EXT2: variants seen among roughly 807,000 people sequenced by gnomAD.
EXT2 encodes exostosin glycosyltransferase 2.
Under a neutral mutation model 81.6 loss-of-function variants are expected in EXT2, and 53 were observed. That is an observed-to-expected ratio of 0.65 (90% CI 0.52 to 0.82). EXT2 has a LOEUF of 0.82. Ranked by LOEUF, EXT2 falls within the 40% of genes least tolerant of loss-of-function variation. EXT2 has a pLI of 0.00. For synonymous variants in EXT2, 320 were observed against 340.0 expected (o/e 0.94, Z 0.65); for missense variants, 774 against 910.2 (o/e 0.85, Z 1.93).
chr11:44,142,674 CT>C (rs761062960), intron 7 of EXT2, among the ~76,000 whole-genome samples: 2 of 151,968 alleles, frequency 1.3e-5, no homozygotes, highest in Non-Finnish European at 2.9e-5. Flanking sequence ...TGAGTTTTTC[CT>C]TTGGTTTTAA....
At chr11:44,142,638 T>C (rs1954661370) in intron 7 of EXT2, among the ~76,000 whole-genome samples, 1 of 152,232 alleles carries the variant, frequency 6.6e-6, no homozygotes, top group Non-Finnish European at 1.5e-5. Flanking sequence ...CTTATACATG[T>C]ATTATTTATA....
chr11:44,221,249 A>T (rs190392766), intron 10 of EXT2, among the ~76,000 whole-genome samples: 48 of 152,168 alleles, frequency 3.2e-4, no homozygotes, highest in African/African-American at 1.1e-3. Flanking sequence ...AGCCCTGCAG[A>T]CCTTTCCATG....
rs1009108834 is a variant in EXT2, at chr11:44,244,398, T to A, written c.*111T>A. On this transcript the variant is annotated 3_prime_UTR_variant, in exon 14 of 14. Transcript: ENST00000533608. ...GGTTAAGGGTGGAAGGTTGACCTAC[T>A]TGGATCTTGGCATGCACCCACCTAA... The A allele has an allele frequency of 5.6e-6, 7 of 1,239,462 alleles. No homozygotes were observed. Among genetic ancestry groups the A allele is most frequent in the Non-Finnish European group, 8.2e-6 (7 of 851,534 alleles). The allele number at this position is 1,239,462 out of a possible 1,614,324, so 76.8% of individuals were successfully genotyped here.
At chr11:44,222,575 G>T (rs1183895951) in intron 10 of EXT2, among the ~76,000 whole-genome samples, 1 of 152,070 alleles carries the variant, frequency 6.6e-6, no homozygotes, top group Non-Finnish European at 1.5e-5. Context: ...CTGAAAGATT[G>T]GACATCCATG....
chr11:44,139,378 T>C (rs1954615104), intron 7 of EXT2, among the ~76,000 whole-genome samples: 1 of 152,090 alleles, frequency 6.6e-6, no homozygotes, highest in African/African-American at 2.4e-5. Context: ...AGAATCAGAA[T>C]AGATGTTTGA....
intron 1 of EXT2, among the ~76,000 whole-genome samples, chr11:44,100,094 C>A (rs1280975864): frequency 2.6e-5 from 4 of 152,184 alleles, no homozygotes; most frequent in Admixed American, 2.6e-4. Flanking sequence ...CGTGCTTCTC[C>A]AGAGGGATCC....
intron 8 of EXT2, among the ~76,000 whole-genome samples, chr11:44,177,660 G>A (rs938070449): frequency 6.6e-6 from 1 of 152,032 alleles, no homozygotes; most frequent in Non-Finnish European, 1.5e-5. Context: ...TCTATGATGT[G>A]ATTTAAAAGA....
chr11:44,219,081 G>T (rs1465876526), intron 10 of EXT2, among the ~76,000 whole-genome samples: 2 of 152,062 alleles, frequency 1.3e-5, no homozygotes, highest in Non-Finnish European at 2.9e-5. Flanking sequence ...GCCTACAGGT[G>T]TGAGCCACTG....
At chr11:44,096,149 T>C (rs975843693) in intron 1 of EXT2, 1 of 1,135,456 alleles carries the variant, frequency 8.8e-7, no homozygotes, top group East Asian at 2.6e-5. Context: ...CCCAGTCCGC[T>C]CCTTCCTTTC....
intron 7 of EXT2, among the ~76,000 whole-genome samples, chr11:44,137,649 G>C (rs1224134623): frequency 6.6e-6 from 1 of 152,076 alleles, no homozygotes; most frequent in African/African-American, 2.4e-5. Context: ...AAATACAGTT[G>C]AGTAGTATGT....
At chr11:44,232,327 G>C (rs758219799) in intron 10 of EXT2, 26 bp from the exon 11 acceptor site, 19 of 1,613,058 alleles carry the variant, frequency 1.2e-5, no homozygotes, top group African/African-American at 1.3e-5. Flanking sequence ...ATTGGGACTT[G>C]ATTGTTATTA....
intron 6 of EXT2, among the ~76,000 whole-genome samples, chr11:44,127,604 C>T (rs558145156): frequency 1.3e-5 from 2 of 152,334 alleles, no homozygotes; most frequent in Admixed American, 1.3e-4. Flanking sequence ...GTCCTTGGTG[C>T]TGAAAAGGTT....
intron 6 of EXT2, among the ~76,000 whole-genome samples, chr11:44,128,336 G>T (rs547958522): frequency 6.6e-6 from 1 of 152,344 alleles, no homozygotes; most frequent in South Asian, 2.1e-4. Context: ...AACTCAGCTT[G>T]AAAGAGGAGA....
rs11368525 is a variant in EXT2, at chr11:44,218,793, C to CTTTTTTT, written c.1662+11850_1662+11856dup. On this transcript the variant is annotated intron_variant, in intron 10 of 13. Transcript: ENST00000533608. ...GTAAGAGATTATAGAATCTGCAATT[C>CTTTTTTT]TTTTTTTTTTTTTTTTTTTTTTGAG... 6.9e-4 allele frequency among the ~76,000 whole-genome samples: 64 copies of CTTTTTTT among 92,264 alleles called. 1 individual carries two copies. Among genetic ancestry groups the CTTTTTTT allele is most frequent in the East Asian group, 1.4e-3 (4 of 2,888 alleles). The allele number at this position is 92,264 out of a possible 152,430, so 60.5% of individuals were successfully genotyped here.
chr11:44,224,514 G>T (rs886086947), intron 10 of EXT2, among the ~76,000 whole-genome samples: 1 of 152,028 alleles, frequency 6.6e-6, no homozygotes, highest in Non-Finnish European at 1.5e-5. Flanking sequence ...GGAAATAGAT[G>T]AGATATAAAT....
intron 7 of EXT2, among the ~76,000 whole-genome samples, chr11:44,154,118 C>G (rs1954829052): frequency 6.6e-6 from 1 of 151,930 alleles, no homozygotes; most frequent in African/African-American, 2.4e-5. Context: ...TCCCCTCAAG[C>G]ATTTATCATT....
rs551375998 is a variant in EXT2, at chr11:44,197,972, C to T, written c.1449C>T (p.Ser483=). 9.9e-6 allele frequency: 16 copies of T among 1,614,110 alleles called. No individual in the cohort carries two copies. The highest frequency in any genetic ancestry group is 5.0e-5 in the Admixed American group (3 of 60,018). ...AAGTGTCCAAGGTGCCCAGTCTATC[C>T]AAACTACTTGTCGTCTGGAATAATC... The part of the protein sequence containing the change: ...ITEVSKVPSL[S]KLLVVWNNQN... The change falls in exon 9 of 14, where the codon TCC becomes TCT. Residue 483 remains serine, a synonymous_variant. Transcript: ENST00000533608.
intron 8 of EXT2, among the ~76,000 whole-genome samples, chr11:44,181,044 G>A (rs1034323601): frequency 9.9e-5 from 15 of 151,980 alleles, no homozygotes; most frequent in African/African-American, 3.4e-4. Flanking sequence ...GAGGTTGCAG[G>A]GAGCCGAGTT....
In EXT2 at chr11:44,119,143, T is replaced by TAC. The variant is rs1565201164; in HGVS notation, c.743+4843_743+4844insCA. Among the ~76,000 whole-genome samples, 95 of 45,108 alleles carry TAC rather than the reference T, an allele frequency of 2.1e-3. 4 individuals carry two copies. The highest frequency in any genetic ancestry group is 6.0e-3 in the African/African-American group (89 of 14,758). 29.6% of individuals were successfully genotyped at this position (45,108 alleles called of 152,430 possible). On this transcript the variant is annotated intron_variant, in intron 4 of 13. Transcript: ENST00000533608. ...GGCTATTTATATATATATATATATA[T>TAC]ATATATATATATATATATATATATA...
Sources: gnomAD v4.1 joint callset for allele counts (sites outside exome capture counted in the v4.1 genomes callset) on GRCh38, gnomAD v4.1.1 for gene constraint, MANE v1.5 for transcripts, NCBI Gene and HGNC (gene_info 2026-07-23, HGNC 2026-07-21) for gene names.